The following EYA1 variants were observed in gnomAD, a reference collection of about 807,000 sequenced individuals.
EYA1 encodes EYA transcriptional coactivator and phosphatase 1.
Under a neutral mutation model 82.0 loss-of-function variants are expected in EYA1, and 16 were observed. The observed-to-expected ratio is 0.20, with a 90% CI of 0.13 to 0.30. The LOEUF (loss-of-function observed/expected upper bound fraction) is 0.30, where lower values mean the gene tolerates loss of function less well. Among genes scored for constraint, EYA1 ranks in the 10% least tolerant of loss-of-function variants. The pLI, the probability that EYA1 is intolerant of heterozygous loss-of-function variation, is 1.00. For missense variants in EYA1, 633 were observed against 730.7 expected, an observed-to-expected ratio of 0.87 and a Z score of 1.54; for synonymous variants, 261 against 264.4, an observed-to-expected ratio of 0.99 and a Z score of 0.12.
intron 12 of EYA1, among the ~76,000 whole-genome samples, chr8:71,228,480 C>T (rs1270780342): frequency 6.6e-6 from 1 of 152,020 alleles, no homozygotes; most frequent in African/African-American, 2.4e-5. Flanking sequence ...TTTGTCTATA[C>T]TCATAATTTC....
intron 9 of EYA1, among the ~76,000 whole-genome samples, chr8:71,277,392 T>C (rs1487654758): frequency 2.0e-5 from 3 of 151,990 alleles, no homozygotes; most frequent in African/African-American, 7.2e-5. Flanking sequence ...CCTCAAAGAG[T>C]CCTCCTGCCT....
intron 4 of EYA1, 83 bp from the exon 5 acceptor site, chr8:71,322,351 A>G (rs1344104324): frequency 8.2e-7 from 1 of 1,214,774 alleles, no homozygotes; most frequent in African/African-American, 1.5e-5. Context: ...CATATTTTCA[A>G]CTATAGGTTG....
At chr8:71,317,519 G>A in intron 7 of EYA1, 33 bp downstream of exon 7, 1 of 1,611,418 alleles carries the variant, frequency 6.2e-7, no homozygotes. Flanking sequence ...CAACCTACAG[G>A]GTTAAGGAAA....
intron 2 of EYA1, among the ~76,000 whole-genome samples, chr8:71,468,402 T>C (rs1185180067): frequency 7.2e-5 from 11 of 152,244 alleles, no homozygotes; most frequent in African/African-American, 2.6e-4. Flanking sequence ...TTTTTATAAA[T>C]GAGCTGAGGG....
chr8:71,413,603 A>G (rs905929687), intron 2 of EYA1, among the ~76,000 whole-genome samples: 1 of 152,244 alleles, frequency 6.6e-6, no homozygotes, highest in African/African-American at 2.4e-5. Flanking sequence ...CACAAATTAT[A>G]TAAATAGCCA....
intron 7 of EYA1, among the ~76,000 whole-genome samples, chr8:71,303,419 T>C (rs1820409328): frequency 7.0e-6 from 1 of 142,214 alleles, no homozygotes; most frequent in Non-Finnish European, 1.6e-5. Context: ...TGTAAACTAG[T>C]CCTTCCCCTA....
intron 11 of EYA1, among the ~76,000 whole-genome samples, chr8:71,247,400 G>A (rs536737433): frequency 6.6e-6 from 1 of 152,230 alleles, no homozygotes; most frequent in East Asian, 1.9e-4. Context: ...AAACGTCAGG[G>A]GTTAGATTGG....
intron 12 of EYA1, among the ~76,000 whole-genome samples, chr8:71,231,769 C>T (rs138626139): frequency 7.0e-4 from 107 of 152,300 alleles, no homozygotes; most frequent in African/African-American, 2.0e-3. Flanking sequence ...ATTATTTTAT[C>T]GTTGTTCATT....
chr8:71,387,316 T>C (rs1457306540), intron 2 of EYA1, among the ~76,000 whole-genome samples: 1 of 152,200 alleles, frequency 6.6e-6, no homozygotes, highest in African/African-American at 2.4e-5. Flanking sequence ...ATGATGTCTT[T>C]ATCAATCTAT....
chr8:71,361,929 A>C lies in EYA1; in HGVS notation c.-337T>G. 1 of 985,432 alleles carries C rather than the reference A, an allele frequency of 1.0e-6. No homozygotes were observed. Among genetic ancestry groups the C allele is most frequent in the Non-Finnish European group, 1.2e-6 (1 of 829,964 alleles). 61.0% of individuals were successfully genotyped at this position (985,432 alleles called of 1,614,324 possible). A position where few individuals can be genotyped will look rare whatever the true frequency, so the allele number is the denominator to read the frequency against. On this transcript the variant is annotated 5_prime_UTR_variant, in exon 1 of 18. Transcript: ENST00000340726. ...CCCGCCACAGTGGACGGCAACAGGA[A>C]GGCTTAAAGTCGGAAGTGGCACTGG...
intron 2 of EYA1, among the ~76,000 whole-genome samples, chr8:71,430,687 C>A (rs1309879415): frequency 6.6e-6 from 1 of 152,156 alleles, no homozygotes; most frequent in African/African-American, 2.4e-5. Context: ...GGCCAAGGGG[C>A]TGTTATCCCT....
At chr8:71,397,122 T>A (rs1286837016) in intron 2 of EYA1, among the ~76,000 whole-genome samples, 1 of 152,226 alleles carries the variant, frequency 6.6e-6, no homozygotes, top group African/African-American at 2.4e-5. Flanking sequence ...CCTGCTTTTT[T>A]TTGTTTTCCA....
At chr8:71,280,162 A>G (rs188041596) in intron 9 of EYA1, among the ~76,000 whole-genome samples, 14 of 152,330 alleles carry the variant, frequency 9.2e-5, no homozygotes, top group Admixed American at 5.9e-4. Flanking sequence ...GGCTCTTTGT[A>G]GTCAGCTGAA....
At position 71,462,022 on chromosome 8, in the gene EYA1, T is replaced by C. The variant is rs916846545; in HGVS notation, c.33+73722A>G. On this transcript the variant is annotated intron_variant, in intron 2 of 18. Transcript: ENST00000643681. ...ATGCTGCTTGGTTCATGGGTGACCA[T>C]GGCTGGGCCCAGAAAAGGCACCACA... 3.9e-5 allele frequency among the ~76,000 whole-genome samples: 6 copies of C among 152,140 alleles called. No individual in the cohort carries two copies. The East Asian group carries it at 5.9e-4, about 15-fold the overall frequency.
At chr8:71,245,625 A>G (rs900911534) in intron 11 of EYA1, among the ~76,000 whole-genome samples, 1 of 151,992 alleles carries the variant, frequency 6.6e-6, no homozygotes, top group African/African-American at 2.4e-5. Context: ...AGTGTGGCCC[A>G]GGGAAGTCAA....
At chr8:71,478,067 G>A (rs992327884) in intron 2 of EYA1, among the ~76,000 whole-genome samples, 1 of 152,128 alleles carries the variant, frequency 6.6e-6, no homozygotes, top group South Asian at 2.1e-4. Context: ...TTTGGATGAT[G>A]ATAATATTCT....
chr8:71,281,342 G>A (rs912825262), intron 9 of EYA1, among the ~76,000 whole-genome samples: 8 of 152,080 alleles, frequency 5.3e-5, no homozygotes, highest in African/African-American at 1.2e-4. Context: ...CCCACCATTC[G>A]GCACCTTTCT....
At chr8:71,493,850 C>T (rs1305029179) in intron 2 of EYA1, among the ~76,000 whole-genome samples, 2 of 148,102 alleles carry the variant, frequency 1.4e-5, no homozygotes, top group South Asian at 4.3e-4. Context: ...GGTGAAACCC[C>T]GTCTCTACTA....
intron 4 of EYA1, among the ~76,000 whole-genome samples, chr8:71,331,100 G>A (rs753678004): frequency 6.6e-5 from 10 of 151,678 alleles, no homozygotes; most frequent in Non-Finnish European, 8.8e-5. Context: ...ATGGTGGCAC[G>A]TGCCTGTAGT....
Sources: allele counts gnomAD v4.1 joint callset (sites outside exome capture counted in the v4.1 genomes callset), GRCh38; gene constraint gnomAD v4.1.1; transcripts MANE v1.5; gene names NCBI Gene and HGNC (gene_info 2026-07-23, HGNC 2026-07-21).